ADARB2: variants seen among roughly 807,000 people sequenced by gnomAD.
ADARB2 encodes adenosine deaminase RNA specific B2 (inactive).
In ADARB2, 25 loss-of-function variants were observed where a neutral mutation model predicts 62.2. The observed-to-expected ratio is 0.40, with a 90% CI of 0.29 to 0.56. The LOEUF (loss-of-function observed/expected upper bound fraction) is 0.56, where lower values mean the gene tolerates loss of function less well. Among genes scored for constraint, ADARB2 ranks in the 20% least tolerant of loss-of-function variants. ADARB2 has a pLI of 0.43. For missense variants in ADARB2, 1,071 were observed against 1,077.4 expected, an observed-to-expected ratio of 0.99 and a Z score of 0.08; for synonymous variants, 572 against 500.8, an observed-to-expected ratio of 1.14 and a Z score of -1.90.
intron 1 of ADARB2, among the ~76,000 whole-genome samples, chr10:1,450,591 CA>C (rs1200784277): frequency 6.6e-6 from 1 of 152,222 alleles, no homozygotes. Flanking sequence ...GGTTCTTCCC[CA>C]GGGGAAACTG....
At chr10:1,368,512 AG>A (rs1463182119) in intron 2 of ADARB2, among the ~76,000 whole-genome samples, 2 of 152,224 alleles carry the variant, frequency 1.3e-5, no homozygotes, top group South Asian at 2.1e-4. Flanking sequence ...ACCTGAAAGA[AG>A]GGTTTCCAGG....
chr10:1,226,790 C>G (rs888362992), intron 6 of ADARB2, among the ~76,000 whole-genome samples: 1 of 152,158 alleles, frequency 6.6e-6, no homozygotes, highest in Admixed American at 6.5e-5. Flanking sequence ...TAGAGGAGTA[C>G]CCGGCTGTGT....
At chr10:1,206,702 G>A (rs1276126962) in intron 7 of ADARB2, among the ~76,000 whole-genome samples, 3 of 152,150 alleles carry the variant, frequency 2.0e-5, no homozygotes, top group Admixed American at 6.5e-5. Flanking sequence ...CTGCGCCTCC[G>A]TCTCTGCGTC....
Position 1,619,027 on chromosome 10 carries a change from A to C in ADARB2, c.100+118024T>G, listed in dbSNP as rs146514977. ...TGGATCACCTGGCTTGGAGGAATGA[A>C]TGGTGTAAAATAATCAACAGAGGAG... On this transcript the variant is annotated intron_variant, in intron 1 of 9. Transcript: ENST00000381312. Among the ~76,000 whole-genome samples, 861 of 152,342 alleles carry C rather than the reference A, an allele frequency of 5.7e-3. 19 individuals are homozygous for C. Among genetic ancestry groups the C allele is most frequent in the East Asian group, 0.046 (238 of 5,180 alleles).
chr10:1,503,920 T>A (rs111274877), intron 1 of ADARB2, among the ~76,000 whole-genome samples: 169 of 152,298 alleles, frequency 1.1e-3, no homozygotes, highest in African/African-American at 4.0e-3. Context: ...ACGCTTCTTG[T>A]ACAGCCTGCA....
intron 1 of ADARB2, among the ~76,000 whole-genome samples, chr10:1,670,924 C>T (rs1834376593): frequency 6.6e-6 from 1 of 152,176 alleles, no homozygotes; most frequent in Non-Finnish European, 1.5e-5. Flanking sequence ...GGCAGAACGT[C>T]AGCGCCACAG....
chr10:1,281,876 A>G (rs978356174), intron 3 of ADARB2, among the ~76,000 whole-genome samples: 6 of 152,248 alleles, frequency 3.9e-5, no homozygotes, highest in African/African-American at 1.2e-4. Flanking sequence ...CATATTTTTC[A>G]ACTAACATTT....
rs200385618 is a variant in ADARB2 at position 1,608,658 on chromosome 10, C to T, written c.100+128393G>A. 1.9e-3 allele frequency among the ~76,000 whole-genome samples: 213 copies of T among 109,754 alleles called. 2 individuals carry two copies. Among genetic ancestry groups the T allele is most frequent in the Middle Eastern group, 8.5e-3 (1 of 118 alleles). The allele number at this position is 109,754 out of a possible 152,430, so 72.0% of individuals were successfully genotyped here. A position where few individuals can be genotyped will look rare whatever the true frequency, so the allele number is the denominator to read the frequency against. ...AAGGGAGGGAGGGAAGGAGGGAGGACGAGAAGGAAGAAAAAATGGAAGGAG... is the reference window on the plus strand; with the variant it reads ...AAGGGAGGGAGGGAAGGAGGGAGGATGAGAAGGAAGAAAAAATGGAAGGAG... On this transcript the variant is annotated intron_variant, in intron 1 of 9. Transcript: ENST00000381312.
intron 3 of ADARB2, among the ~76,000 whole-genome samples, chr10:1,272,765 G>A (rs1831275194): frequency 6.6e-6 from 1 of 152,246 alleles, no homozygotes; most frequent in African/African-American, 2.4e-5. Context: ...GTCCAGAGAG[G>A]GAAACCTGTG....
At chr10:1,304,910 C>G (rs1211979059) in intron 3 of ADARB2, among the ~76,000 whole-genome samples, 1 of 135,778 alleles carries the variant, frequency 7.4e-6, no homozygotes, top group East Asian at 2.3e-4. Flanking sequence ...ACTAAATGCC[C>G]ACAAGAGAAA....
At chr10:1,554,631 G>A (rs1308107524) in intron 1 of ADARB2, among the ~76,000 whole-genome samples, 3 of 152,106 alleles carry the variant, frequency 2.0e-5, no homozygotes, top group Admixed American at 6.5e-5. Flanking sequence ...CAGTTATTGT[G>A]GGCATCAGTA....
At chr10:1,560,998 C>T (rs1242744406) in intron 1 of ADARB2, among the ~76,000 whole-genome samples, 1 of 152,202 alleles carries the variant, frequency 6.6e-6, no homozygotes, top group African/African-American at 2.4e-5. Flanking sequence ...AGTTTCAGAT[C>T]CTCACTCACC....
intron 8 of ADARB2, among the ~76,000 whole-genome samples, chr10:1,198,092 G>C (rs1431421894): frequency 6.6e-6 from 1 of 152,196 alleles, no homozygotes; most frequent in Non-Finnish European, 1.5e-5. Context: ...CTCGAAATGG[G>C]CTTCTGGTCC....
At chr10:1,671,738 C>T (rs1046320562) in intron 1 of ADARB2, among the ~76,000 whole-genome samples, 2 of 152,110 alleles carry the variant, frequency 1.3e-5, no homozygotes, top group African/African-American at 2.4e-5. Context: ...CATCCAGTAA[C>T]CTGCAATAAG....
intron 4 of ADARB2, among the ~76,000 whole-genome samples, chr10:1,252,924 A>G (rs1831049055): frequency 6.6e-6 from 1 of 152,154 alleles, no homozygotes; most frequent in African/African-American, 2.4e-5. Context: ...TTTCAAATGC[A>G]TTGATTTTGG....
chr10:1,250,680 C>A (rs1831030413), intron 4 of ADARB2, among the ~76,000 whole-genome samples: 1 of 152,164 alleles, frequency 6.6e-6, no homozygotes, highest in Non-Finnish European at 1.5e-5. Flanking sequence ...AGATAAACCA[C>A]TATTTTTTAT....
At chr10:1,723,768 C>T (rs930731136) in intron 1 of ADARB2, among the ~76,000 whole-genome samples, 3 of 152,158 alleles carry the variant, frequency 2.0e-5, no homozygotes, top group African/African-American at 7.2e-5. Flanking sequence ...CTTCTAACCA[C>T]CCTGTTAGAG....
intron 1 of ADARB2, among the ~76,000 whole-genome samples, chr10:1,511,256 A>G (rs1210317855): frequency 6.6e-6 from 1 of 152,222 alleles, no homozygotes; most frequent in African/African-American, 2.4e-5. Context: ...GCTATGTTCA[A>G]CGGATAGATT....
intron 1 of ADARB2, among the ~76,000 whole-genome samples, chr10:1,664,861 CT>C (rs1834295486): frequency 6.6e-6 from 1 of 152,202 alleles, no homozygotes; most frequent in African/African-American, 2.4e-5. Context: ...TGCCAGAGTT[CT>C]TCTGTGCCCC....
Sources: allele counts gnomAD v4.1 joint callset (sites outside exome capture counted in the v4.1 genomes callset), GRCh38; gene constraint gnomAD v4.1.1; transcripts MANE v1.5; gene names NCBI Gene and HGNC (gene_info 2026-07-23, HGNC 2026-07-21).